The following FAM53A variants were observed in gnomAD, a reference collection of about 807,000 sequenced individuals.
FAM53A encodes family with sequence similarity 53 member A, also known as protein FAM53A.
In FAM53A, 28 loss-of-function variants were observed where a neutral mutation model predicts 26.6. The ratio of observed to expected loss-of-function variants is 1.05; its 90% confidence interval spans 0.78 to 1.45. The LOEUF is 1.45. FAM53A is among the 40% of genes most tolerant of loss of function. The pLI, the probability that FAM53A is intolerant of heterozygous loss-of-function variation, is 0.00. For synonymous variants in FAM53A, 290 were observed against 253.1 expected, an observed-to-expected ratio of 1.15 and a Z score of -1.38; for missense variants, 650 against 575.8, an observed-to-expected ratio of 1.13 and a Z score of -1.32.
chr4:1,604,759 G>A, the FAM53A span, among the ~76,000 whole-genome samples: 10 of 151,882 alleles, frequency 6.6e-5, 1 homozygote, highest in South Asian at 1.0e-3. Flanking sequence ...CAGAGCATCC[G>A]CTGCAGCCCC....
chr4:1,652,319 C>A (rs963858108), intron 4 of FAM53A, among the ~76,000 whole-genome samples: 4 of 127,090 alleles, frequency 3.1e-5, no homozygotes, highest in Non-Finnish European at 6.0e-5. Context: ...ACACACGTCA[C>A]ACACACCATA....
In FAM53A at chr4:1,655,601, G is replaced by T; in HGVS notation, c.259C>A (p.Gln87Lys). ...GCGCCTGGGCGCGGGGACTGTGGCT[G>T]CCACTGAAGACCCATGGTGTGAGCG... ...AAAHTMGLQW[Q>K]PQSPRPGAGL... The change falls in exon 4 of 5, where the codon CAG (glutamine) becomes AAG (lysine). Residue 87 changes from glutamine to lysine, a missense_variant. Gln to Lys is a moderately conservative substitution (Grantham distance 53, BLOSUM62 1). Transcript: ENST00000308132. The T allele has an allele frequency of 2.5e-6, 4 of 1,589,880 alleles. No individual in the cohort carries two copies. The highest frequency in any genetic ancestry group is 3.4e-6 in the Non-Finnish European group (4 of 1,167,250).
the FAM53A span, among the ~76,000 whole-genome samples, chr4:1,603,226 C>T: frequency 6.6e-6 from 1 of 152,096 alleles, no homozygotes; most frequent in African/African-American, 2.4e-5. Context: ...CGTGGGGCCA[C>T]CAGGAGGGTG....
chr4:1,651,298 G>C (rs564450787), intron 4 of FAM53A, among the ~76,000 whole-genome samples: 2 of 151,770 alleles, frequency 1.3e-5, no homozygotes, highest in Non-Finnish European at 2.9e-5. Context: ...TTGGGAGGCC[G>C]AGGCAGGCGG....
the FAM53A span, among the ~76,000 whole-genome samples, chr4:1,588,739 AG>A: frequency 8.5e-3 from 1,302 of 152,342 alleles, 11 homozygotes; most frequent in South Asian, 0.014. Flanking sequence ...GCTGCTCCCA[AG>A]TGCCTGCTCC....
the FAM53A span, among the ~76,000 whole-genome samples, chr4:1,575,500 C>G: frequency 0.013 from 1,958 of 152,218 alleles, 28 homozygotes; most frequent in Middle Eastern, 0.024. Context: ...GGCAGTGCCC[C>G]TGACAGAGGG....
At chr4:1,584,438 T>A in the FAM53A span, among the ~76,000 whole-genome samples, 1 of 152,262 alleles carries the variant, frequency 6.6e-6, no homozygotes, top group Non-Finnish European at 1.5e-5. Context: ...CAGTTACTAT[T>A]TCTGCATAAC....
At chr4:1,665,351 T>G (rs953212634) in intron 2 of FAM53A, among the ~76,000 whole-genome samples, 34 of 151,760 alleles carry the variant, frequency 2.2e-4, no homozygotes, top group Non-Finnish European at 1.5e-4. Context: ...AGGTTGGGCA[T>G]GGTGGCACAC....
the FAM53A span, among the ~76,000 whole-genome samples, chr4:1,607,677 A>C: frequency 1.3e-5 from 2 of 152,118 alleles, no homozygotes; most frequent in Admixed American, 1.3e-4. Context: ...GCAGTGGCTC[A>C]CACCTCTAAT....
chr4:1,647,183 A>C (rs890127029), intron 4 of FAM53A, among the ~76,000 whole-genome samples: 5 of 151,994 alleles, frequency 3.3e-5, no homozygotes, highest in Non-Finnish European at 5.9e-5. Context: ...AAAAATACAA[A>C]AAATTAGCCA....
rs1030073677 is a variant in FAM53A, at chr4:1,633,216, G to A, written c.432-15105C>T. ...CGCATATCTCCCTGCATTCCAAACG[G>A]TGAAACACTCACAGGCTTCATTATT... On this transcript the variant is annotated intron_variant, in intron 1 of 1. Coordinates refer to the FAM53A transcript ENST00000489029. Among the ~76,000 whole-genome samples, 7 of 152,160 alleles carry A rather than the reference G, an allele frequency of 4.6e-5. No homozygotes were observed. The South Asian group carries it at 1.4e-3, about 32-fold the overall frequency.
intron 1 of FAM53A, among the ~76,000 whole-genome samples, chr4:1,633,132 TCACA>T (rs3073263): frequency 0.064 from 9,707 of 152,100 alleles, 385 homozygotes; most frequent in Middle Eastern, 0.16. Context: ...GTACTCATGC[TCACA>T]CACATAGGTA....
At chr4:1,620,151 G>A (rs1457753264) in intron 1 of FAM53A, among the ~76,000 whole-genome samples, 1 of 151,504 alleles carries the variant, frequency 6.6e-6, no homozygotes, top group African/African-American at 2.4e-5. Context: ...AGGTTGCAGT[G>A]AGCTGAGATC....
intron 1 of FAM53A, among the ~76,000 whole-genome samples, chr4:1,676,275 CCA>C (rs1715036589): frequency 6.6e-6 from 1 of 152,160 alleles, no homozygotes; most frequent in Non-Finnish European, 1.5e-5. Context: ...TGGCATCACT[CCA>C]GTCTTCCCAC....
chr4:1,579,752 G>A, the FAM53A span, among the ~76,000 whole-genome samples: 2 of 152,146 alleles, frequency 1.3e-5, no homozygotes, highest in African/African-American at 4.8e-5. Flanking sequence ...CTCCCGCCAC[G>A]GGCTGGCCAG....
intron 1 of FAM53A, among the ~76,000 whole-genome samples, chr4:1,682,787 T>TAA (rs879736063): frequency 6.9e-6 from 1 of 144,234 alleles, no homozygotes; most frequent in African/African-American, 2.5e-5. Context: ...ATGCATGCAC[T>TAA]AAAAAAAAAA....
At chr4:1,683,307 T>G (rs1472882244) in intron 1 of FAM53A, 1 of 152,226 alleles carries the variant, frequency 6.6e-6, no homozygotes, top group Admixed American at 6.5e-5. Context: ...CCCACTCTGA[T>G]GAGGGAGAAG....
chr4:1,583,798 G>A, the FAM53A span, among the ~76,000 whole-genome samples: 3 of 152,212 alleles, frequency 2.0e-5, no homozygotes, highest in African/African-American at 7.2e-5. Context: ...TCCAGGAGAC[G>A]TCCTCTCCAG....
At chr4:1,662,479 C>CAAAAAAAA (rs59768929) in intron 2 of FAM53A, among the ~76,000 whole-genome samples, 1 of 68,304 alleles carries the variant, frequency 1.5e-5, no homozygotes, top group African/African-American at 4.5e-5. Flanking sequence ...GATTCCATCA[C>CAAAAAAAA]AAAAAAAAAA....
Sources: gnomAD v4.1 joint callset for allele counts (sites outside exome capture counted in the v4.1 genomes callset) on GRCh38, gnomAD v4.1.1 for gene constraint, MANE v1.5 for transcripts, NCBI Gene and HGNC (gene_info 2026-07-23, HGNC 2026-07-21) for gene names.